The following FANCM variants were observed in gnomAD, a reference collection of about 807,000 sequenced individuals.
FANCM encodes FA complementation group M, also known as Fanconi anemia group M protein.
A neutral mutation model predicts 199.5 loss-of-function variants in FANCM; 140 were observed. The observed-to-expected ratio is 0.70, with a 90% CI of 0.61 to 0.81. The LOEUF is 0.81. FANCM is among the 30% of genes least tolerant of loss of function. The pLI is 0.00. For missense variants in FANCM, 2,410 were observed against 2,421.4 expected, an observed-to-expected ratio of 1.00 and a Z score of 0.10; for synonymous variants, 840 against 836.8, an observed-to-expected ratio of 1.00 and a Z score of -0.07.
intron 3 of FANCM, among the ~76,000 whole-genome samples, chr14:45,143,206 G>A (rs955931171): frequency 6.8e-5 from 10 of 147,762 alleles, no homozygotes; most frequent in Non-Finnish European, 1.0e-4. Context: ...GTCTCACTGA[G>A]TCCTCCAGGC....
intron 9 of FANCM, among the ~76,000 whole-genome samples, chr14:45,160,318 CT>C (rs111650701): frequency 0.013 from 1,669 of 126,678 alleles, 25 homozygotes; most frequent in African/African-American, 0.036. Context: ...TTCTTCTTTT[CT>C]TTTTTTTTTT....
intron 9 of FANCM, 111 bp downstream of exon 9, chr14:45,159,391 T>C: frequency 1.4e-6 from 1 of 733,988 alleles, no homozygotes; most frequent in East Asian, 2.7e-5. Flanking sequence ...AAAAGAATTT[T>C]ACAGTAAACG....
chr14:45,162,098 A>C (rs1397161461), intron 9 of FANCM, among the ~76,000 whole-genome samples: 2 of 152,196 alleles, frequency 1.3e-5, no homozygotes, highest in East Asian at 1.9e-4. Flanking sequence ...ATAAGACTGC[A>C]GGAAAGGCCA....
intron 20 of FANCM, chr14:45,195,420 A>C (rs1325542950): frequency 4.9e-6 from 2 of 412,156 alleles, no homozygotes; most frequent in South Asian, 3.4e-5. Flanking sequence ...TTCTGTTTTT[A>C]TGGAGTAGAT....
chr14:45,166,391 C>A (rs1887980238), intron 10 of FANCM, among the ~76,000 whole-genome samples: 1 of 152,006 alleles, frequency 6.6e-6, no homozygotes, highest in Non-Finnish European at 1.5e-5. Context: ...CCCGCCTGGG[C>A]CTCCCAAAGT....
chr14:45,195,323 A>G (rs971429194), intron 20 of FANCM, among the ~76,000 whole-genome samples: 1 of 152,264 alleles, frequency 6.6e-6, no homozygotes, highest in South Asian at 2.1e-4. Flanking sequence ...CTACAAGCCT[A>G]CATGAGGGCT....
chr14:45,170,268 A>T (rs982205723), intron 11 of FANCM, among the ~76,000 whole-genome samples: 2 of 152,172 alleles, frequency 1.3e-5, no homozygotes, highest in Non-Finnish European at 2.9e-5. Context: ...TATGAAGAAT[A>T]CTAGTTTTAA....
intron 17 of FANCM, 122 bp downstream of exon 17, chr14:45,184,024 C>T: frequency 2.9e-6 from 2 of 693,818 alleles, no homozygotes; most frequent in African/African-American, 1.8e-5. Flanking sequence ...TATTTTGACA[C>T]CCATTTAGAT....
chr14:45,179,562 T>C (rs76870589), intron 14 of FANCM, among the ~76,000 whole-genome samples: 2 of 9,630 alleles, frequency 2.1e-4, no homozygotes, highest in African/African-American at 3.6e-3. Flanking sequence ...TCTTTCTTTC[T>C]TTTTTTTTTT....
intron 9 of FANCM, among the ~76,000 whole-genome samples, chr14:45,163,518 C>A (rs1343911794): frequency 6.6e-6 from 1 of 152,172 alleles, no homozygotes; most frequent in Non-Finnish European, 1.5e-5. Flanking sequence ...AAGGGACTTT[C>A]ATTAACTTTT....
In FANCM at chr14:45,136,514, G is replaced by A. The variant is rs2139104114; in HGVS notation, c.483G>A (p.Pro161=). Reference sequence around the variant, plus strand: ...CTTGCTACCAGGTGATGGGTATCCCGCAATCCCACATGGCCGAAATGACAG... The same window carrying A: ...CTTGCTACCAGGTGATGGGTATCCCACAATCCCACATGGCCGAAATGACAG... ...IEACYQVMGI[P]QSHMAEMTGS... The change falls in exon 1 of 23, where the codon CCG becomes CCA. Residue 161 remains proline (P), a synonymous_variant. Coordinates refer to ENST00000267430, the MANE Select transcript of FANCM (RefSeq NM_020937.4). 2 of 1,613,886 alleles carry A rather than the reference G, an allele frequency of 1.2e-6. No individual in the cohort carries two copies. Among genetic ancestry groups the A allele is most frequent in the African/African-American group, 1.3e-5 (1 of 75,008 alleles).
intron 21 of FANCM, among the ~76,000 whole-genome samples, chr14:45,197,594 A>T (rs1365598168): frequency 6.6e-6 from 1 of 150,910 alleles, no homozygotes; most frequent in Non-Finnish European, 1.5e-5. Flanking sequence ...CTTCCTGAGT[A>T]GCTGGGATTA....
At chr14:45,136,881 CT>C (rs1885556026) in intron 1 of FANCM, among the ~76,000 whole-genome samples, 187 bp from the exon 2 acceptor site, 1 of 152,112 alleles carries the variant, frequency 6.6e-6, no homozygotes, top group African/African-American at 2.4e-5. Flanking sequence ...GGTTGTAGTC[CT>C]AGATAAGTGC....
chr14:45,141,529 C>T (rs1208928914), intron 3 of FANCM, among the ~76,000 whole-genome samples: 7 of 137,950 alleles, frequency 5.1e-5, no homozygotes, highest in African/African-American at 1.9e-4. Flanking sequence ...CCCCTTCCTC[C>T]TCCCTGTTCC....
In FANCM at chr14:45,196,298, G is replaced by T. The variant is rs1244843066; in HGVS notation, c.5467G>T (p.Gly1823Cys). 1.9e-6 allele frequency: 3 copies of T among 1,614,096 alleles called. No individual in the cohort carries two copies. The highest frequency in any genetic ancestry group is 2.2e-5 in the South Asian group (2 of 91,074). ...AGGAAAAGGAACCTGTATTCTTGTA[G>T]GTGGTCATGAAATCACTTCTGGATT... Reference protein sequence around the residue: ...QEGKGTCILVGGHEITSGLEV... With the variant: ...QEGKGTCILVCGHEITSGLEV... The change falls in exon 21 of 23, where the codon GGT becomes TGT. Residue 1823 changes from glycine to cysteine, a missense_variant. Coordinates refer to ENST00000267430, the MANE Select transcript of FANCM (RefSeq NM_020937.4).
chr14:45,155,093 TCA>T (rs1376496789), intron 7 of FANCM, among the ~76,000 whole-genome samples: 1 of 152,190 alleles, frequency 6.6e-6, no homozygotes, highest in African/African-American at 2.4e-5. Flanking sequence ...GTAAAAATTC[TCA>T]GAACTATCAA....
intron 5 of FANCM, among the ~76,000 whole-genome samples, chr14:45,152,027 T>C (rs1196847942): frequency 6.7e-6 from 1 of 149,584 alleles, no homozygotes; most frequent in East Asian, 2.0e-4. Context: ...ACCTTTTAAC[T>C]TTTTCTTTTT....
At chr14:45,143,320 C>A (rs898635361) in intron 3 of FANCM, among the ~76,000 whole-genome samples, 1 of 152,004 alleles carries the variant, frequency 6.6e-6, no homozygotes, top group African/African-American at 2.4e-5. Flanking sequence ...GTGCCTGCCA[C>A]CACACCCAGC....
chr14:45,137,025 A>T (rs1232140008), intron 1 of FANCM, 44 bp from the exon 2 acceptor site: 1 of 1,403,392 alleles, frequency 7.1e-7, no homozygotes, highest in Non-Finnish European at 1.0e-6. Context: ...TTTTATAGAT[A>T]ACAGTCTGAA....
Sources: allele counts gnomAD v4.1 joint callset (sites outside exome capture counted in the v4.1 genomes callset), GRCh38; gene constraint gnomAD v4.1.1; transcripts MANE v1.5; gene names NCBI Gene and HGNC (gene_info 2026-07-23, HGNC 2026-07-21).